The following ZFAT variants were observed in gnomAD, a reference collection of about 807,000 sequenced individuals.
ZFAT encodes zinc finger and AT-hook domain containing.
A neutral mutation model predicts 117.7 loss-of-function variants in ZFAT; 64 were observed. That is an observed-to-expected ratio of 0.54 (90% confidence interval 0.44 to 0.67). The LOEUF (loss-of-function observed/expected upper bound fraction) is 0.67, where lower values mean the gene tolerates loss of function less well. ZFAT is among the 30% of genes least tolerant of loss of function. The probability of loss-of-function intolerance (pLI) is 0.00; values close to 1 mark genes in which losing one functional copy is unlikely to be tolerated. For missense variants in ZFAT, 1,433 were observed against 1,584.5 expected, an observed-to-expected ratio of 0.90 and a Z score of 1.62; for synonymous variants, 679 against 615.0, an observed-to-expected ratio of 1.10 and a Z score of -1.54.
chr8:134,502,101 C>T lies in ZFAT; in HGVS notation c.3492+7518G>A, dbSNP rs554105300. 4.6e-5 allele frequency among the ~76,000 whole-genome samples: 7 copies of T among 152,352 alleles called. No individual in the cohort carries two copies. The South Asian group carries it at 1.5e-3, about 32-fold the overall frequency. ...AAAATAAAAATAGATTTTGAAGCCT[C>T]ATAGAGTCACTTTCTAGATCCCCCC... On this transcript the variant is annotated intron_variant, in intron 15 of 15. Coordinates refer to ENST00000377838, the MANE Select transcript of ZFAT (RefSeq NM_020863.4).
intron 2 of ZFAT, among the ~76,000 whole-genome samples, chr8:134,639,523 A>C (rs952173169): frequency 3.9e-5 from 6 of 152,198 alleles, no homozygotes; most frequent in Non-Finnish European, 7.3e-5. Context: ...AAAACAAGGG[A>C]CAGAAGGCCC....
chr8:134,712,954 C>T lies in ZFAT; in HGVS notation c.-91G>A, dbSNP rs1385734340. 4.4e-6 allele frequency: 6 copies of T among 1,376,860 alleles called. No individual in the cohort carries two copies. In the African/African-American group the frequency reaches 9.2e-5, roughly 21 times the overall value. 85.3% of individuals were successfully genotyped at this position (1,376,860 alleles called of 1,614,324 possible). A position where few individuals can be genotyped will look rare whatever the true frequency, so the allele number is the denominator to read the frequency against. On this transcript the variant is annotated 5_prime_UTR_variant, in exon 1 of 16. Transcript: ENST00000377838. ...GAGGGGGCGGGGCGCCCTGCTGACG[C>T]TTCGCTTTTTATTTTTATTTTTTTA...
At chr8:134,787,469 C>G in the ZFAT span, among the ~76,000 whole-genome samples, 8 of 152,074 alleles carry the variant, frequency 5.3e-5, no homozygotes, top group African/African-American at 1.9e-4. Context: ...TGGATCACCA[C>G]GTATACAGAA....
At position 134,600,190 on chromosome 8, in the gene ZFAT, C is replaced by T. The variant is rs981409749; in HGVS notation, c.2475+246G>A. On this transcript the variant is annotated intron_variant, in intron 7 of 15. Coordinates refer to ENST00000377838, the MANE Select transcript of ZFAT (RefSeq NM_020863.4). Reference sequence around the variant, plus strand: ...TAGATATCTCTTCTGTAGACTTTATCTGATGCTAAAAAAATTTGCACAGGA... The same window carrying T: ...TAGATATCTCTTCTGTAGACTTTATTTGATGCTAAAAAAATTTGCACAGGA... 29 of 541,942 alleles carry T rather than the reference C, an allele frequency of 5.4e-5. No homozygotes were observed. The South Asian group carries it at 6.5e-4, about 12-fold the overall frequency. 33.6% of individuals were successfully genotyped at this position (541,942 alleles called of 1,614,324 possible). A position where few individuals can be genotyped will look rare whatever the true frequency, so the allele number is the denominator to read the frequency against.
chr8:134,658,032 C>G (rs187401424), intron 1 of ZFAT, among the ~76,000 whole-genome samples: 2 of 152,210 alleles, frequency 1.3e-5, no homozygotes, highest in Non-Finnish European at 1.5e-5. Context: ...GGGATAAGTA[C>G]AGCCAAGTAA....
intron 3 of ZFAT, among the ~76,000 whole-genome samples, chr8:134,630,740 C>CAGAA (rs1269638745): frequency 5.3e-5 from 8 of 152,210 alleles, no homozygotes; most frequent in Non-Finnish European, 8.8e-5. Flanking sequence ...CTGGTTTCTG[C>CAGAA]TACCATTCAA....
chr8:134,554,241 C>T (rs1823398779), intron 11 of ZFAT, among the ~76,000 whole-genome samples: 1 of 152,228 alleles, frequency 6.6e-6, no homozygotes, highest in African/African-American at 2.4e-5. Flanking sequence ...CAGACACTGA[C>T]AGGCACTGTC....
chr8:134,501,533 C>G (rs537824952), intron 15 of ZFAT, among the ~76,000 whole-genome samples: 1 of 152,112 alleles, frequency 6.6e-6, no homozygotes, highest in Admixed American at 6.5e-5. Flanking sequence ...CAGAAAAAAA[C>G]CGTTACGGGA....
intron 7 of ZFAT, among the ~76,000 whole-genome samples, chr8:134,592,720 A>G (rs1484961621): frequency 6.6e-6 from 1 of 152,078 alleles, no homozygotes; most frequent in Non-Finnish European, 1.5e-5. Context: ...AGCCCTTCTC[A>G]TGGGCTAATA....
chr8:134,651,499 A>G (rs1328132775), intron 2 of ZFAT, among the ~76,000 whole-genome samples: 1 of 152,254 alleles, frequency 6.6e-6, no homozygotes, highest in East Asian at 1.9e-4. Context: ...CACTAACACC[A>G]TTGAATTTTG....
rs7831829 is a variant in ZFAT at position 134,702,923 on chromosome 8, G to A, written c.19+9922C>T. On this transcript the variant is annotated intron_variant, in intron 1 of 15. Coordinates refer to ENST00000377838, the MANE Select transcript of ZFAT (RefSeq NM_020863.4). ...CCTGACCTCGTGATCTGCCGGCCTC[G>A]GCCTCCCAAAGTGCTGGGATTATAG... Among the ~76,000 whole-genome samples the A allele has an allele frequency of 1.9e-3, 282 of 152,204 alleles. 2 individuals are homozygous for A. Among genetic ancestry groups the A allele is most frequent in the African/African-American group, 6.2e-3 (256 of 41,550 alleles).
chr8:134,783,861 T>C, the ZFAT span: 2 of 152,228 alleles, frequency 1.3e-5, no homozygotes, highest in African/African-American at 4.8e-5. Flanking sequence ...GTGTGGGTCA[T>C]TTATGAAATA....
intron 1 of ZFAT, among the ~76,000 whole-genome samples, chr8:134,695,689 G>A (rs1189019281): frequency 2.0e-5 from 3 of 149,056 alleles, no homozygotes; most frequent in Non-Finnish European, 3.0e-5. Flanking sequence ...CGCCCCCCCA[G>A]GCCCAGGCAG....
At chr8:134,596,496 T>C (rs1046897700) in intron 7 of ZFAT, among the ~76,000 whole-genome samples, 13 of 152,214 alleles carry the variant, frequency 8.5e-5, no homozygotes, top group African/African-American at 2.7e-4. Flanking sequence ...AGATGCTTCA[T>C]AATTTTTGAA....
At chr8:134,655,389 TGTAATCC>T (rs1831536181) in intron 2 of ZFAT, among the ~76,000 whole-genome samples, 1 of 152,236 alleles carries the variant, frequency 6.6e-6, no homozygotes, top group Non-Finnish European at 1.5e-5. Flanking sequence ...GGCTCACACC[TGTAATCC>T]CAGCATTCTG....
At chr8:134,590,827 C>T (rs553729770) in intron 7 of ZFAT, among the ~76,000 whole-genome samples, 4 of 152,270 alleles carry the variant, frequency 2.6e-5, no homozygotes, top group Admixed American at 1.3e-4. Flanking sequence ...AACATCACCA[C>T]GACCCCCCTC....
the ZFAT span, among the ~76,000 whole-genome samples, chr8:134,746,765 G>A: frequency 1.3e-5 from 2 of 152,164 alleles, no homozygotes; most frequent in South Asian, 2.1e-4. Context: ...CAATGGACGA[G>A]TTGAAGAGTA....
intron 9 of ZFAT, among the ~76,000 whole-genome samples, chr8:134,586,070 A>T (rs1319483416): frequency 6.6e-6 from 1 of 151,996 alleles, no homozygotes; most frequent in East Asian, 1.9e-4. Flanking sequence ...GGTACAGGGG[A>T]TCAATTCCAA....
chr8:134,824,551 C>CT, the ZFAT span, among the ~76,000 whole-genome samples: 1 of 152,222 alleles, frequency 6.6e-6, no homozygotes, highest in Non-Finnish European at 1.5e-5. Flanking sequence ...CCAGCACACT[C>CT]TCAGCAAGAG....
Sources: gnomAD v4.1 joint callset for allele counts (sites outside exome capture counted in the v4.1 genomes callset) on GRCh38, gnomAD v4.1.1 for gene constraint, MANE v1.5 for transcripts, NCBI Gene and HGNC (gene_info 2026-07-23, HGNC 2026-07-21) for gene names.